The following RIPOR1 variants were observed in gnomAD, a reference collection of about 807,000 sequenced individuals.
RIPOR1 encodes the protein RHO family interacting cell polarization regulator 1.
RIPOR1 carries 58 observed loss-of-function variants against 116.5 expected under a neutral mutation model. The observed-to-expected ratio is 0.50, with a 90% CI of 0.40 to 0.62. The LOEUF (loss-of-function observed/expected upper bound fraction) is 0.62, where lower values mean the gene tolerates loss of function less well. RIPOR1 is among the 20% of genes least tolerant of loss of function. The probability of loss-of-function intolerance (pLI) is 0.00; values close to 1 mark genes in which losing one functional copy is unlikely to be tolerated. For synonymous variants in RIPOR1, 605 were observed against 650.0 expected, an observed-to-expected ratio of 0.93 and a Z score of 1.05; for missense variants, 1,372 against 1,586.2, an observed-to-expected ratio of 0.86 and a Z score of 2.29.
chr16:67,534,113 C>T (rs537358233), intron 1 of RIPOR1, among the ~76,000 whole-genome samples: 83 of 150,748 alleles, frequency 5.5e-4, no homozygotes, highest in Middle Eastern at 6.8e-3. Context: ...AGCTGCTGCA[C>T]TGGGCTGAGT....
In RIPOR1 at chr16:67,540,686, G is replaced by C; in HGVS notation, c.783G>C (p.Thr261=). ...SEETIFLPLL[T]EFLSIKVTEL... ...AAACCATCTTTCTCCCTCTACTCACGGAATTTCTGTCTATTAAGGTGATGT... is the reference window on the plus strand; with the variant it reads ...AAACCATCTTTCTCCCTCTACTCACCGAATTTCTGTCTATTAAGGTGATGT... The change falls in exon 10 of 22, where the codon ACG becomes ACC. Residue 261 remains threonine (T), a synonymous_variant. Transcript: ENST00000042381. The surrounding 1 kb of genome is among the most constrained non-coding windows in gnomAD (Gnocchi z 4.7). 14 of 1,603,932 alleles carry C rather than the reference G, an allele frequency of 8.7e-6. No individual in the cohort carries two copies. Among genetic ancestry groups the C allele is most frequent in the South Asian group, 3.4e-5 (3 of 89,350 alleles).
At position 67,534,492 on chromosome 16, in the gene RIPOR1, G is replaced by A. The variant is rs896409990; in HGVS notation, c.-23-3932G>A. 5.3e-5 allele frequency among the ~76,000 whole-genome samples: 8 copies of A among 152,168 alleles called. 1 individual carries two copies. Among genetic ancestry groups the A allele is most frequent in the African/African-American group, 1.9e-4 (8 of 41,442 alleles). ...CACACAAAAAGTGTGTATGTCCTAA[G>A]TGTACAACTCTGTACATTTTCATAA... is the stretch of plus-strand genomic sequence containing the variant. On this transcript the variant is annotated intron_variant, in intron 1 of 21. Coordinates refer to ENST00000042381, the MANE Select transcript of RIPOR1 (RefSeq NM_024519.4).
In RIPOR1 at chr16:67,529,626, C is replaced by T. The variant is rs1481658807; in HGVS notation, c.-24+712C>T. 1 of 757,098 alleles carries T rather than the reference C, an allele frequency of 1.3e-6. No homozygotes were observed. Among genetic ancestry groups the T allele is most frequent in the East Asian group, 2.7e-5 (1 of 36,822 alleles). The allele number at this position is 757,098 out of a possible 1,614,324, so 46.9% of individuals were successfully genotyped here. The stretch of plus-strand genomic sequence containing the variant: ...CAGTCCAGATTCAGCACCCTTTGTC[C>T]TCCTCTCCAGGGTGAGCCCTGAGTC... On this transcript the variant is annotated intron_variant, in intron 1 of 21. Transcript: ENST00000042381. This position sits in a 1 kb window ranked among gnomAD's most constrained non-coding sequence, Gnocchi z 4.1.
chr16:67,532,429 T>C (rs2050685285), intron 1 of RIPOR1, among the ~76,000 whole-genome samples: 1 of 151,672 alleles, frequency 6.6e-6, no homozygotes, highest in South Asian at 2.1e-4. Context: ...AACACACCAC[T>C]GCACTGAGAC....
In RIPOR1 at chr16:67,544,794, A is replaced by G. The variant is rs755421199; in HGVS notation, c.2833A>G (p.Arg945Gly). The change falls in exon 16 of 22, where the codon AGG becomes GGG. Residue 945 changes from arginine to glycine, a missense_variant. Arg to Gly is a moderately radical substitution (Grantham distance 125). This residue lies in a region of RIPOR1 where 1,005 missense variants were observed against 1,144.7 expected (regional missense o/e 0.88). Coordinates refer to ENST00000042381, the MANE Select transcript of RIPOR1 (RefSeq NM_024519.4). This position sits in a 1 kb window ranked among gnomAD's most constrained non-coding sequence, Gnocchi z 5.1. Reference sequence around the variant, plus strand: ...ACTGGAGGCAGTATGCGAGTTCAGCAGGCGGTGGGAGATCCCGGCCAGCTC... The same window carrying G: ...ACTGGAGGCAGTATGCGAGTTCAGCGGGCGGTGGGAGATCCCGGCCAGCTC... ...RVLEAVCEFS[R>G]RWEIPASSAQ... The G allele has an allele frequency of 6.3e-7, 1 of 1,599,424 alleles. No individual in the cohort carries two copies. Among genetic ancestry groups the G allele is most frequent in the South Asian group, 1.1e-5 (1 of 90,592 alleles).
upstream of RIPOR1, among the ~76,000 whole-genome samples, chr16:67,526,468 T>C (rs116378468): frequency 6.6e-6 from 1 of 152,222 alleles, no homozygotes; most frequent in African/African-American, 2.4e-5. Context: ...AGGGAATTAA[T>C]TCAAAAGATG....
In RIPOR1 at chr16:67,545,867, T is replaced by C. The variant is rs1009485022; in HGVS notation, c.3387+7T>C. 1.1e-5 allele frequency: 18 copies of C among 1,608,278 alleles called. No individual in the cohort carries two copies. In the African/African-American group the frequency reaches 1.5e-4, roughly 13 times the overall value. On this transcript the variant is annotated splice_region_variant and intron_variant, in intron 19 of 21. Transcript: ENST00000042381. The surrounding 1 kb of genome is among the most constrained non-coding windows in gnomAD (Gnocchi z 4.8). ...CCCTACCTTCCGGGAGAGGGTGAGT[T>C]GGACAGGGCTCCCTTGAGGGCGAGG...
At chr16:67,523,451 G>C (rs771682368) in intron 1 of RIPOR1, among the ~76,000 whole-genome samples, 1 of 146,180 alleles carries the variant, frequency 6.8e-6, no homozygotes, top group Non-Finnish European at 1.5e-5. Flanking sequence ...GCTTGAACCC[G>C]GGAGGCAGAG....
intron 1 of RIPOR1, among the ~76,000 whole-genome samples, chr16:67,521,249 G>C (rs960345320): frequency 6.6e-6 from 1 of 152,156 alleles, no homozygotes; most frequent in Non-Finnish European, 1.5e-5. Context: ...ACACTTCCCA[G>C]ACGGTGGCGC....
chr16:67,543,692 T>C lies in RIPOR1; in HGVS notation c.2600+223T>C. The C allele has an allele frequency of 1.6e-6, 1 of 620,948 alleles. No homozygotes were observed. The highest frequency in any genetic ancestry group is 2.8e-5 in the Admixed American group (1 of 35,896). 38.5% of individuals were successfully genotyped at this position (620,948 alleles called of 1,614,324 possible). A position where few individuals can be genotyped will look rare whatever the true frequency, so the allele number is the denominator to read the frequency against. ...TCTCCAACCCTACGTGTGTCCCCAG[T>C]GCTTCTGACCGCCCTCTTCATCTCT... On this transcript the variant is annotated intron_variant, in intron 14 of 21. Coordinates refer to ENST00000042381, the MANE Select transcript of RIPOR1 (RefSeq NM_024519.4). This position sits in a 1 kb window ranked among gnomAD's most constrained non-coding sequence, Gnocchi z 4.7.
In RIPOR1 at chr16:67,537,351, G is replaced by A. The variant is rs2142497850; in HGVS notation, c.-23-1073G>A. The A allele has an allele frequency of 1.6e-6, 2 of 1,217,320 alleles. No homozygotes were observed. Among genetic ancestry groups the A allele is most frequent in the Non-Finnish European group, 2.0e-6 (2 of 975,948 alleles). 75.4% of individuals were successfully genotyped at this position (1,217,320 alleles called of 1,614,324 possible). ...CTGACCCCAGCTGAGCAGACCCCTCGCCCCCCGTCGGTCCCCTCCCCGAGG... is the reference window on the plus strand; with the variant it reads ...CTGACCCCAGCTGAGCAGACCCCTCACCCCCCGTCGGTCCCCTCCCCGAGG... On this transcript the variant is annotated intron_variant, in intron 1 of 21. Coordinates refer to ENST00000042381, the MANE Select transcript of RIPOR1 (RefSeq NM_024519.4). The surrounding 1 kb of genome is among the most constrained non-coding windows in gnomAD (Gnocchi z 4.6).
Position 67,543,849 on chromosome 16 carries a change from G to A in RIPOR1, c.2600+380G>A. The A allele has an allele frequency of 2.8e-6, 1 of 362,254 alleles. No homozygotes were observed. Among genetic ancestry groups the A allele is most frequent in the Non-Finnish European group, 5.2e-6 (1 of 193,328 alleles). 22.4% of individuals were successfully genotyped at this position (362,254 alleles called of 1,614,324 possible). A position where few individuals can be genotyped will look rare whatever the true frequency, so the allele number is the denominator to read the frequency against. ...TCTCGCCGTGCACCCTGGGACCCCA[G>A]CACTGCCCCACTCCTTCTCAACCCC... On this transcript the variant is annotated intron_variant, in intron 14 of 21. Transcript: ENST00000042381. The surrounding 1 kb of genome is among the most constrained non-coding windows in gnomAD (Gnocchi z 4.7).
At chr16:67,523,028 A>C (rs1038524749) in intron 1 of RIPOR1, among the ~76,000 whole-genome samples, 1 of 152,114 alleles carries the variant, frequency 6.6e-6, no homozygotes, top group East Asian at 1.9e-4. Context: ...CATCTTGTTT[A>C]TATGTTAACT....
rs750467672 is a variant in RIPOR1, at chr16:67,546,389, C to A, written c.3586C>A (p.Arg1196=). 4 of 1,613,948 alleles carry A rather than the reference C, an allele frequency of 2.5e-6. No individual in the cohort carries two copies. The African/African-American group carries it at 5.3e-5, about 22-fold the overall frequency. ...AGGAGAAGAGGGACAGTCTGCCCAT[C>A]GACGGCTGGAGGAGTCCCTGGACGC... ...QCGEEGQSAH[R]RLEESLDALP... is the part of the protein sequence containing the mutation. The change falls in exon 22 of 22, where the codon CGA becomes AGA. Residue 1196 remains arginine (R), a synonymous_variant. Coordinates refer to ENST00000042381, the MANE Select transcript of RIPOR1 (RefSeq NM_024519.4).
chr16:67,542,874 C>T lies in RIPOR1; in HGVS notation c.2088C>T (p.Pro696=), dbSNP rs761601978. ...TLSSPSKHSD[P]TLPGTDSLPC... ...CCAGCCCCTCCAAACACTCAGACCC[C>T]ACCCTCCCAGGCACTGACTCCCTTC... is the stretch of plus-strand genomic sequence containing the variant. The change falls in exon 13 of 22, where the codon CCC becomes CCT. Residue 696 remains proline, a synonymous_variant. Coordinates refer to ENST00000042381, the MANE Select transcript of RIPOR1 (RefSeq NM_024519.4). The surrounding 1 kb of genome is among the most constrained non-coding windows in gnomAD (Gnocchi z 4.6). 3.7e-6 allele frequency: 6 copies of T among 1,613,278 alleles called. No individual in the cohort carries two copies. The South Asian group carries it at 6.6e-5, about 18-fold the overall frequency.
At position 67,542,886 on chromosome 16, in the gene RIPOR1, C is replaced by T. The variant is rs765854970; in HGVS notation, c.2100C>T (p.Gly700=). Reference sequence around the variant, plus strand: ...AACACTCAGACCCCACCCTCCCAGGCACTGACTCCCTTCCCTGTAGTCCCC... The same window carrying T: ...AACACTCAGACCCCACCCTCCCAGGTACTGACTCCCTTCCCTGTAGTCCCC... ...PSKHSDPTLP[G]TDSLPCSPPV... Residue 700 remains glycine, a synonymous_variant, in exon 13 of 22, where the codon GGC becomes GGT. Transcript: ENST00000042381. The surrounding 1 kb of genome is among the most constrained non-coding windows in gnomAD (Gnocchi z 4.6). 1 of 1,612,286 alleles carries T rather than the reference C, an allele frequency of 6.2e-7. No individual in the cohort carries two copies. The highest frequency in any genetic ancestry group is 1.1e-5 in the South Asian group (1 of 90,832).
Position 67,541,869 on chromosome 16 carries a change from C to A in RIPOR1, c.1083C>A (p.Asn361Lys). 1.2e-6 allele frequency: 2 copies of A among 1,609,852 alleles called. No individual in the cohort carries two copies. The highest frequency in any genetic ancestry group is 2.2e-5 in the South Asian group (2 of 91,040). ...AAATGCCCTCTCCTCTTTCTCAGAACATGCTGCGACGGCAGGAGGAGCTGG... is the reference window on the plus strand; with the variant it reads ...AAATGCCCTCTCCTCTTTCTCAGAAAATGCTGCGACGGCAGGAGGAGCTGG... ...TPSLREQAFY[N>K]MLRRQEELEN... The change falls in exon 13 of 22, where the codon AAC (asparagine) becomes AAA (lysine). Residue 361 changes from asparagine (N) to lysine (K), a missense_variant and splice_region_variant. Transcript: ENST00000042381. The surrounding 1 kb of genome is among the most constrained non-coding windows in gnomAD (Gnocchi z 4.6).
In RIPOR1 at chr16:67,529,172, C is replaced by A. The variant is rs1425398657; in HGVS notation, c.-24+258C>A. Among the ~76,000 whole-genome samples, 1 of 152,220 alleles carries A rather than the reference C, an allele frequency of 6.6e-6. No homozygotes were observed. Among genetic ancestry groups the A allele is most frequent in the Non-Finnish European group, 1.5e-5 (1 of 68,022 alleles). On this transcript the variant is annotated intron_variant, in intron 1 of 21. Transcript: ENST00000042381. This position sits in a 1 kb window ranked among gnomAD's most constrained non-coding sequence, Gnocchi z 4.1. Reference sequence around the variant, plus strand: ...TGCTGCCTTCCTCCCACGGCAAGGCCCTGGCGGCCGGTGCCCCGGGGCGCT... The same window carrying A: ...TGCTGCCTTCCTCCCACGGCAAGGCACTGGCGGCCGGTGCCCCGGGGCGCT...
At position 67,545,450 on chromosome 16, in the gene RIPOR1, C is replaced by G. The variant is rs757147449; in HGVS notation, c.3106C>G (p.Leu1036Val). 2.0e-5 allele frequency: 32 copies of G among 1,614,052 alleles called. No homozygotes were observed. In the East Asian group the frequency reaches 6.9e-4, roughly 35 times the overall value. The change falls in exon 18 of 22, where the codon CTC becomes GTC. Residue 1036 changes from leucine to valine, a missense_variant. Physicochemically the swap from Leu to Val is conservative, Grantham distance 32 (BLOSUM62 1). Transcript: ENST00000042381. The surrounding 1 kb of genome is among the most constrained non-coding windows in gnomAD (Gnocchi z 4.8). ...GCCCCAGCCAGGGCCTGGAGAGCAGCTCACAGTCTTCCAGTTCTGGAGTTT... is the reference window on the plus strand; with the variant it reads ...GCCCCAGCCAGGGCCTGGAGAGCAGGTCACAGTCTTCCAGTTCTGGAGTTT... Reference protein sequence around the residue: ...RRPQPGPGEQLTVFQFWSFVE... With the variant: ...RRPQPGPGEQVTVFQFWSFVE...
Sources: allele counts gnomAD v4.1 joint callset (sites outside exome capture counted in the v4.1 genomes callset), GRCh38; gene constraint gnomAD v4.1.1; regional missense constraint gnomAD v4.1.1; non-coding constraint Gnocchi (gnomAD v3.1); transcripts MANE v1.5; gene names NCBI Gene and HGNC (gene_info 2026-07-23, HGNC 2026-07-21).